Variants in CDH12 observed in about 807,000 individuals in gnomAD.
CDH12 encodes the protein cadherin 12, also known as cadherin-12.
CDH12 carries 41 observed loss-of-function variants against 74.1 expected under a neutral mutation model. The ratio of observed to expected loss-of-function variants is 0.55; its 90% CI spans 0.43 to 0.72. The LOEUF is 0.72. Among genes scored for constraint, CDH12 ranks in the 30% least tolerant of loss-of-function variants. CDH12 has a pLI of 0.00. For missense variants in CDH12, 945 were observed against 977.2 expected, an observed-to-expected ratio of 0.97 and a Z score of 0.44; for synonymous variants, 399 against 355.0, an observed-to-expected ratio of 1.12 and a Z score of -1.39.
Position 21,752,139 on chromosome 5 carries a change from A to G in CDH12, c.1983T>C (p.Asp661=). 4 of 1,613,980 alleles carry G rather than the reference A, an allele frequency of 2.5e-6. No individual in the cohort carries two copies. In the East Asian group the frequency reaches 8.9e-5, roughly 36 times the overall value. Residue 661 remains aspartate (D), a synonymous_variant, in exon 15 of 15, where the codon GAT becomes GAC. Coordinates refer to ENST00000382254, the MANE Select transcript of CDH12 (RefSeq NM_004061.5). ...EDIRDNVIHY[D]DEGGGEEDTQ... ...TATCTTCCTCCCCACCTCCTTCATC[A>G]TCGTAATGGATGACGTTGTCTCTGA...
At chr5:21,983,203 C>T (rs1268160478) in intron 5 of CDH12, among the ~76,000 whole-genome samples, 3 of 151,852 alleles carry the variant, frequency 2.0e-5, no homozygotes, top group Non-Finnish European at 4.4e-5. Flanking sequence ...TCACAGTATA[C>T]CTTTATTTTA....
intron 1 of CDH12, among the ~76,000 whole-genome samples, chr5:22,683,990 G>T (rs960233594): frequency 6.6e-6 from 1 of 152,114 alleles, no homozygotes; most frequent in African/African-American, 2.4e-5. Flanking sequence ...TCAATAAAAA[G>T]GCAGTGATAT....
chr5:22,480,749 T>C (rs1746356399), intron 2 of CDH12, among the ~76,000 whole-genome samples: 1 of 152,144 alleles, frequency 6.6e-6, no homozygotes, highest in African/African-American at 2.4e-5. Context: ...GTTTTTTCCA[T>C]TGCAAATGCC....
At chr5:22,010,519 T>C (rs549257574) in intron 5 of CDH12, among the ~76,000 whole-genome samples, 2 of 152,342 alleles carry the variant, frequency 1.3e-5, no homozygotes, top group South Asian at 4.1e-4. Flanking sequence ...ATTGCTTTTG[T>C]TCCCAGAACC....
Position 22,692,555 on chromosome 5 carries a change from G to A in CDH12, c.-523+160503C>T, listed in dbSNP as rs117960467. ...TGCAGATCAAACATATGCTCCTGTAGAAGGATTTTAAAGTTCAATTAGTTT... is the reference window on the plus strand; with the variant it reads ...TGCAGATCAAACATATGCTCCTGTAAAAGGATTTTAAAGTTCAATTAGTTT... On this transcript the variant is annotated intron_variant, in intron 1 of 14. Coordinates refer to ENST00000382254, the MANE Select transcript of CDH12 (RefSeq NM_004061.5). Among the ~76,000 whole-genome samples, 44 of 152,206 alleles carry A rather than the reference G, an allele frequency of 2.9e-4. No individual in the cohort carries two copies. The East Asian group carries it at 4.8e-3, about 17-fold the overall frequency.
In CDH12 at chr5:22,219,338, G is replaced by A. The variant is rs533686182; in HGVS notation, c.-332-6695C>T. The stretch of plus-strand genomic sequence containing the variant: ...TTCCTCTTATTATTTACTTATTTAC[G>A]AAATCAAACTTTTTCTTTGGATTTC... On this transcript the variant is annotated intron_variant, in intron 3 of 14. Transcript: ENST00000382254. Among the ~76,000 whole-genome samples the A allele has an allele frequency of 4.6e-5, 7 of 151,556 alleles. No homozygotes were observed. The South Asian group carries it at 1.0e-3, about 23-fold the overall frequency.
In CDH12 at chr5:22,509,906, T is replaced by C. The variant is rs1339013492; in HGVS notation, c.-522-4542A>G. ...CAACCCAGAGTAGTAATATAAAGCA[T>C]GGTATAGCACTGGAGAATCAGTAGG... On this transcript the variant is annotated intron_variant, in intron 1 of 14. Transcript: ENST00000382254. Among the ~76,000 whole-genome samples the C allele has an allele frequency of 3.3e-5, 5 of 152,100 alleles. No homozygotes were observed. The East Asian group carries it at 9.7e-4, about 29-fold the overall frequency.
At chr5:22,592,780 C>T (rs1381003645) in intron 1 of CDH12, among the ~76,000 whole-genome samples, 6 of 150,954 alleles carry the variant, frequency 4.0e-5, no homozygotes, top group African/African-American at 1.2e-4. Context: ...GTAGCTCACG[C>T]GTGTAATCCC....
chr5:22,622,280 A>AACATCCCCTAC (rs760432393), intron 1 of CDH12, among the ~76,000 whole-genome samples: 2 of 152,142 alleles, frequency 1.3e-5, no homozygotes, highest in African/African-American at 4.8e-5. Flanking sequence ...TGCAACCGAG[A>AACATCCCCTAC]GGAACATCCC....
At chr5:22,482,858 A>T (rs1443872445) in intron 2 of CDH12, among the ~76,000 whole-genome samples, 2 of 152,192 alleles carry the variant, frequency 1.3e-5, no homozygotes, top group African/African-American at 2.4e-5. Context: ...AAATTGATAA[A>T]TGTCCATCAT....
intron 1 of CDH12, among the ~76,000 whole-genome samples, chr5:22,837,440 C>G (rs1736879912): frequency 6.6e-6 from 1 of 151,866 alleles, no homozygotes; most frequent in Non-Finnish European, 1.5e-5. Flanking sequence ...TAAAATAATC[C>G]TAAATACATA....
At chr5:22,311,569 G>T (rs750120486) in intron 3 of CDH12, among the ~76,000 whole-genome samples, 7 of 151,914 alleles carry the variant, frequency 4.6e-5, no homozygotes, top group Non-Finnish European at 1.0e-4. Context: ...TGACGTGGTG[G>T]CACATGCTTG....
chr5:22,300,889 T>C (rs1309930969), intron 3 of CDH12, among the ~76,000 whole-genome samples: 1 of 152,194 alleles, frequency 6.6e-6, no homozygotes, highest in Non-Finnish European at 1.5e-5. Context: ...TCCCAAGGTA[T>C]ATAATATTAA....
intron 11 of CDH12, among the ~76,000 whole-genome samples, chr5:21,773,240 AT>A (rs1745416217): frequency 6.6e-6 from 1 of 152,086 alleles, no homozygotes; most frequent in Non-Finnish European, 1.5e-5. Flanking sequence ...TGTCAACTTG[AT>A]TGGATTGAAG....
intron 6 of CDH12, among the ~76,000 whole-genome samples, chr5:21,902,121 T>C (rs1753417454): frequency 6.6e-6 from 1 of 152,034 alleles, no homozygotes; most frequent in Admixed American, 6.6e-5. Context: ...ATCTTTATTC[T>C]GCTGCCTTCT....
chr5:21,791,643 TAAAC>T (rs950986667), intron 10 of CDH12, among the ~76,000 whole-genome samples: 2 of 150,278 alleles, frequency 1.3e-5, no homozygotes, highest in Non-Finnish European at 3.0e-5. Context: ...TATAATAAAA[TAAAC>T]CTAATTTCAT....
At chr5:22,674,002 T>C (rs1384502398) in intron 1 of CDH12, among the ~76,000 whole-genome samples, 1 of 152,134 alleles carries the variant, frequency 6.6e-6, no homozygotes, top group Non-Finnish European at 1.5e-5. Flanking sequence ...TTTTGAGAAG[T>C]TTTCTCCTTG....
At chr5:22,730,196 C>A (rs1744363598) in intron 1 of CDH12, among the ~76,000 whole-genome samples, 1 of 151,654 alleles carries the variant, frequency 6.6e-6, no homozygotes, top group South Asian at 2.1e-4. Flanking sequence ...ACAACAACGA[C>A]AACAACAACA....
chr5:22,058,180 C>T (rs1193872573), intron 5 of CDH12, among the ~76,000 whole-genome samples: 1 of 152,040 alleles, frequency 6.6e-6, no homozygotes, highest in Non-Finnish European at 1.5e-5. Flanking sequence ...CTTCAGCCTC[C>T]CGAGTAGCTG....
Sources: gnomAD v4.1 joint callset for allele counts (sites outside exome capture counted in the v4.1 genomes callset) on GRCh38, gnomAD v4.1.1 for gene constraint, MANE v1.5 for transcripts, NCBI Gene and HGNC (gene_info 2026-07-23, HGNC 2026-07-21) for gene names.